SGCZ: variants seen among roughly 807,000 people sequenced by gnomAD.
SGCZ encodes the protein sarcoglycan zeta.
A neutral mutation model predicts 41.3 loss-of-function variants in SGCZ; 40 were observed. The observed-to-expected ratio is 0.97, with a 90% confidence interval of 0.75 to 1.26. The LOEUF is 1.26. SGCZ is among the 50% of genes most tolerant of loss of function. SGCZ has a pLI of 0.00. For missense variants in SGCZ, 552 were observed against 369.8 expected (o/e 1.49, Z -4.04); for synonymous variants, 206 against 137.5 (o/e 1.50, Z -3.49).
intron 1 of SGCZ, among the ~76,000 whole-genome samples, chr8:15,119,566 C>CTTTTTTTTCTTTTTTTTTTTTTTTTTT (rs1554460208): frequency 6.6e-6 from 1 of 150,444 alleles, no homozygotes; most frequent in African/African-American, 2.5e-5. Context: ...TCCTAATTTT[C>CTTTTTTTTCTTTTTTTTTTTTTTTTTT]TATTATAACA....
At chr8:14,387,775 A>C (rs1804627524) in intron 2 of SGCZ, among the ~76,000 whole-genome samples, 1 of 152,066 alleles carries the variant, frequency 6.6e-6, no homozygotes, top group Non-Finnish European at 1.5e-5. Flanking sequence ...AATTACTCCC[A>C]TTAAGGTTCT....
At chr8:14,548,685 T>C (rs1803705994) in intron 2 of SGCZ, among the ~76,000 whole-genome samples, 1 of 152,148 alleles carries the variant, frequency 6.6e-6, no homozygotes, top group Admixed American at 6.6e-5. Context: ...ATTTAGTAAC[T>C]GAAAATTAGA....
At chr8:14,203,016 G>A (rs1424220813) in intron 4 of SGCZ, among the ~76,000 whole-genome samples, 1 of 152,104 alleles carries the variant, frequency 6.6e-6, no homozygotes, top group Non-Finnish European at 1.5e-5. Context: ...AAAAATGGGA[G>A]TTTCCCTGTA....
At chr8:14,267,522 T>G (rs1047683316) in intron 3 of SGCZ, among the ~76,000 whole-genome samples, 1 of 152,120 alleles carries the variant, frequency 6.6e-6, no homozygotes, top group Non-Finnish European at 1.5e-5. Context: ...GTTTATTGTT[T>G]AGTGCTTGTC....
chr8:14,534,044 C>T (rs543598795), intron 2 of SGCZ, among the ~76,000 whole-genome samples: 141 of 152,108 alleles, frequency 9.3e-4, no homozygotes, highest in Non-Finnish European at 7.5e-4. Context: ...ACAGGAGCTG[C>T]AGCAATAGAT....
chr8:14,182,381 G>T, intron 4 of SGCZ, among the ~76,000 whole-genome samples: 1 of 152,210 alleles, frequency 6.6e-6, no homozygotes, highest in African/African-American at 2.4e-5. Flanking sequence ...TATTGCTCAA[G>T]CACAGTAGGC....
At chr8:15,214,308 G>A (rs1244900463) in intron 1 of SGCZ, among the ~76,000 whole-genome samples, 1 of 152,018 alleles carries the variant, frequency 6.6e-6, no homozygotes, top group African/African-American at 2.4e-5. Context: ...ATGCAAAACA[G>A]CCTGAAAAGC....
At chr8:14,778,260 C>T (rs1175028689) in intron 1 of SGCZ, among the ~76,000 whole-genome samples, 1 of 152,058 alleles carries the variant, frequency 6.6e-6, no homozygotes, top group African/African-American at 2.4e-5. Flanking sequence ...CTTTTGGGGC[C>T]TTCAGGAGTA....
At chr8:14,690,113 CTT>C (rs34143581) in intron 1 of SGCZ, among the ~76,000 whole-genome samples, 35 of 137,160 alleles carry the variant, frequency 2.6e-4, no homozygotes, top group African/African-American at 2.5e-4. Flanking sequence ...AGTGTTGTCT[CTT>C]TTTTTTTTTT....
At chr8:14,936,050 A>T (rs1359369922) in intron 1 of SGCZ, among the ~76,000 whole-genome samples, 1 of 152,008 alleles carries the variant, frequency 6.6e-6, no homozygotes, top group Admixed American at 6.6e-5. Context: ...ACTTGTATGT[A>T]CCTAGACTTT....
chr8:14,176,253 G>C (rs964016415), intron 4 of SGCZ, among the ~76,000 whole-genome samples: 37 of 152,208 alleles, frequency 2.4e-4, no homozygotes, highest in African/African-American at 8.7e-4. Context: ...ATTTTACAAG[G>C]CAGGTTATAA....
At chr8:14,470,504 G>A (rs924203681) in intron 2 of SGCZ, among the ~76,000 whole-genome samples, 2 of 151,990 alleles carry the variant, frequency 1.3e-5, no homozygotes, top group African/African-American at 4.8e-5. Flanking sequence ...AAATAGCACA[G>A]CAAGAATTAA....
intron 3 of SGCZ, among the ~76,000 whole-genome samples, chr8:14,268,558 G>A (rs1048784249): frequency 3.3e-5 from 5 of 151,666 alleles, no homozygotes; most frequent in Admixed American, 6.6e-5. Context: ...TCTGCGTATC[G>A]AAATTAGGGG....
At chr8:15,221,093 C>A (rs558887517) in intron 1 of SGCZ, among the ~76,000 whole-genome samples, 5 of 152,222 alleles carry the variant, frequency 3.3e-5, no homozygotes, top group African/African-American at 1.2e-4. Flanking sequence ...AGCAAACCAA[C>A]ATGGCACATG....
chr8:14,872,792 A>G lies in SGCZ; in HGVS notation c.40-317866T>C, dbSNP rs1804208889. 3.9e-5 allele frequency among the ~76,000 whole-genome samples: 6 copies of G among 152,138 alleles called. No individual in the cohort carries two copies. In the South Asian group the frequency reaches 1.2e-3, roughly 32 times the overall value. ...AATTGTAAGCTCCTTGAATATGGCT[A>G]TACTATTTTATTCATCTTTTTATCT... On this transcript the variant is annotated intron_variant, in intron 1 of 7. Coordinates refer to ENST00000382080, the MANE Select transcript of SGCZ (RefSeq NM_139167.4).
At chr8:14,335,946 G>T (rs371247230) in intron 2 of SGCZ, among the ~76,000 whole-genome samples, 18 of 151,950 alleles carry the variant, frequency 1.2e-4, no homozygotes, top group African/African-American at 4.4e-4. Context: ...TTAGGTTCAG[G>T]GGTACATCTG....
At chr8:14,542,953 T>G (rs2117156014) in intron 2 of SGCZ, among the ~76,000 whole-genome samples, 1 of 152,120 alleles carries the variant, frequency 6.6e-6, no homozygotes, top group African/African-American at 2.4e-5. Context: ...CCTTAAAAAC[T>G]TCTTCAAATT....
intron 4 of SGCZ, among the ~76,000 whole-genome samples, chr8:14,235,873 T>C (rs1199046436): frequency 1.3e-5 from 2 of 152,206 alleles, no homozygotes; most frequent in East Asian, 1.9e-4. Flanking sequence ...TTAGTAGAGA[T>C]GGGGTTTCAC....
intron 1 of SGCZ, among the ~76,000 whole-genome samples, chr8:14,628,864 T>C (rs1009106676): frequency 6.6e-6 from 1 of 152,138 alleles, no homozygotes; most frequent in African/African-American, 2.4e-5. Flanking sequence ...CCTTTTGGTG[T>C]GGTTCTCATA....
Sources: allele counts gnomAD v4.1 joint callset (sites outside exome capture counted in the v4.1 genomes callset), GRCh38; gene constraint gnomAD v4.1.1; transcripts MANE v1.5; gene names NCBI Gene and HGNC (gene_info 2026-07-23, HGNC 2026-07-21).